MAP4K5: variants seen among roughly 807,000 people sequenced by gnomAD.
MAP4K5 encodes the protein mitogen-activated protein kinase kinase kinase kinase 5, also known as MAPK/ERK kinase kinase kinase 5.
MAP4K5 carries 82 observed loss-of-function variants against 135.6 expected under a neutral mutation model. The observed-to-expected ratio is 0.60, with a 90% CI of 0.51 to 0.73. The LOEUF is 0.73. Among genes scored for constraint, MAP4K5 ranks in the 30% least tolerant of loss-of-function variants. The pLI, the probability that MAP4K5 is intolerant of heterozygous loss-of-function variation, is 0.00. For synonymous variants in MAP4K5, 347 were observed against 335.0 expected, an observed-to-expected ratio of 1.04 and a Z score of -0.39; for missense variants, 907 against 1,010.9, an observed-to-expected ratio of 0.90 and a Z score of 1.39.
chr14:50,492,247 C>T (rs2037500095), intron 3 of MAP4K5, among the ~76,000 whole-genome samples: 2 of 152,012 alleles, frequency 1.3e-5, no homozygotes, highest in African/African-American at 4.8e-5. Context: ...CAAGATACAA[C>T]ACCAAAAGCA....
At chr14:50,537,356 G>A (rs183112906), upstream of MAP4K5, among the ~76,000 whole-genome samples, 221 of 152,374 alleles carry the variant, frequency 1.5e-3, no homozygotes, top group Middle Eastern at 0.024. Flanking sequence ...ATGCCTGGAT[G>A]TCCAGGCAGA....
At chr14:50,480,663 T>C (rs2037219002) in intron 6 of MAP4K5, among the ~76,000 whole-genome samples, 1 of 152,158 alleles carries the variant, frequency 6.6e-6, no homozygotes, top group Non-Finnish European at 1.5e-5. Context: ...CACATAACAA[T>C]AGGGATGCAT....
Position 50,429,264 on chromosome 14 carries a change from A to G in MAP4K5, c.2165-4T>C. On this transcript the variant is annotated splice_polypyrimidine_tract_variant and splice_region_variant and intron_variant, in intron 28 of 32. Coordinates refer to ENST00000682126, the MANE Select transcript of MAP4K5 (RefSeq NM_006575.6). ...ATGGAATCTAACTGCTGGCTGCCTT[A>G]GGAAGTAAAAAACAAGGTTACAATT... 1.9e-6 allele frequency: 3 copies of G among 1,546,862 alleles called. No individual in the cohort carries two copies. The highest frequency in any genetic ancestry group is 2.6e-6 in the Non-Finnish European group (3 of 1,140,792).
chr14:50,447,082 C>G (rs1200751866), intron 16 of MAP4K5, among the ~76,000 whole-genome samples: 1 of 152,152 alleles, frequency 6.6e-6, no homozygotes, highest in Admixed American at 6.5e-5. Context: ...CTCATGAAGG[C>G]CAGCCCCCTC....
intron 2 of MAP4K5, among the ~76,000 whole-genome samples, chr14:50,525,055 C>T (rs2038233563): frequency 6.6e-6 from 1 of 152,108 alleles, no homozygotes; most frequent in South Asian, 2.1e-4. Context: ...TACAGCCTTT[C>T]CTCAGCTCTC....
chr14:50,482,331 C>T, intron 6 of MAP4K5, 30 bp downstream of exon 6: 2 of 1,362,168 alleles, frequency 1.5e-6, no homozygotes, highest in East Asian at 2.8e-5. Flanking sequence ...CTAGAATTGC[C>T]TTTCTAACTA....
chr14:50,467,345 T>A (rs1393635790), intron 10 of MAP4K5, among the ~76,000 whole-genome samples: 1 of 152,056 alleles, frequency 6.6e-6, no homozygotes, highest in Non-Finnish European at 1.5e-5. Context: ...AAAAATTAAA[T>A]GATTCAAAGG....
At chr14:50,479,071 G>A (rs545490318) in intron 6 of MAP4K5, among the ~76,000 whole-genome samples, 1 of 151,336 alleles carries the variant, frequency 6.6e-6, no homozygotes, top group South Asian at 2.1e-4. Context: ...GGATCTGTGG[G>A]CCCATATTAA....
At chr14:50,443,257 ATGTATAAAGCATCCCATTCATACGAT>A (rs2036267236) in intron 20 of MAP4K5, among the ~76,000 whole-genome samples, 1 of 152,186 alleles carries the variant, frequency 6.6e-6, no homozygotes, top group Non-Finnish European at 1.5e-5. Context: ...AAAAAGGACA[ATGTATAAAGCATCCCATTCATACGAT>A]TGGTTCCCAT....
At chr14:50,431,272 C>G (rs2035962465) in intron 28 of MAP4K5, among the ~76,000 whole-genome samples, 1 of 151,070 alleles carries the variant, frequency 6.6e-6, no homozygotes, top group African/African-American at 2.5e-5. Flanking sequence ...TATTATTATA[C>G]TTTAAGTTTT....
chr14:50,434,192 T>C (rs2036037250), intron 28 of MAP4K5, among the ~76,000 whole-genome samples: 1 of 152,220 alleles, frequency 6.6e-6, no homozygotes, highest in Non-Finnish European at 1.5e-5. Flanking sequence ...AAATTTCCTT[T>C]GTTTAAATAA....
Position 50,486,130 on chromosome 14 carries a change from G to C in MAP4K5, c.231C>G (p.Ile77Met). ...FMVKECKHCN[I>M]VAYFGSYLSR... ...TAAGATAACTCCCAAAGTAGGCAACGATGTTACAATGTTTACATTCTTTAA... is the reference window on the plus strand; with the variant it reads ...TAAGATAACTCCCAAAGTAGGCAACCATGTTACAATGTTTACATTCTTTAA... Residue 77 changes from isoleucine to methionine, a missense_variant, in exon 4 of 33, where the codon ATC becomes ATG. By Grantham distance (10) the Ile-to-Met change is conservative (BLOSUM62 1). This residue lies in a region of MAP4K5 where 196 missense variants were observed against 189.3 expected (regional missense o/e 1.04). Transcript: ENST00000682126. 7.1e-7 allele frequency: 1 copy of C among 1,404,270 alleles called. No individual in the cohort carries two copies. Among genetic ancestry groups the C allele is most frequent in the Non-Finnish European group, 9.8e-7 (1 of 1,025,022 alleles). The allele number at this position is 1,404,270 out of a possible 1,614,324, so 87.0% of individuals were successfully genotyped here. A position where few individuals can be genotyped will look rare whatever the true frequency, so the allele number is the denominator to read the frequency against.
chr14:50,538,118 TG>T (rs1566703954), intron 2 of MAP4K5, among the ~76,000 whole-genome samples: 1 of 152,134 alleles, frequency 6.6e-6, no homozygotes, highest in Non-Finnish European at 1.5e-5. Flanking sequence ...AATTGAATCA[TG>T]GGGGCAAATC....
intron 3 of MAP4K5, among the ~76,000 whole-genome samples, chr14:50,497,337 A>T (rs950925501): frequency 5.3e-5 from 8 of 152,238 alleles, no homozygotes; most frequent in African/African-American, 1.9e-4. Flanking sequence ...CATTTGGGGC[A>T]TGTATTTGTG....
intron 3 of MAP4K5, among the ~76,000 whole-genome samples, chr14:50,493,230 G>A (rs1053106159): frequency 6.6e-6 from 1 of 152,084 alleles, no homozygotes; most frequent in African/African-American, 2.4e-5. Context: ...CTCCCAGGTA[G>A]CTGGGACTAC....
chr14:50,436,738 G>A (rs2036101890), intron 26 of MAP4K5, among the ~76,000 whole-genome samples: 1 of 152,096 alleles, frequency 6.6e-6, no homozygotes, highest in South Asian at 2.1e-4. Flanking sequence ...GTTGGCAATG[G>A]TTGTGTGTTC....
At chr14:50,436,983 C>T (rs1473267940) in intron 26 of MAP4K5, among the ~76,000 whole-genome samples, 1 of 151,996 alleles carries the variant, frequency 6.6e-6, no homozygotes, top group Non-Finnish European at 1.5e-5. Context: ...AAATTGTAAT[C>T]GTAACTATGA....
intron 2 of MAP4K5, among the ~76,000 whole-genome samples, chr14:50,516,316 G>C (rs759207377): frequency 6.6e-6 from 1 of 152,218 alleles, no homozygotes; most frequent in Non-Finnish European, 1.5e-5. Flanking sequence ...CTGTGGCGGG[G>C]AGAGGGATAC....
chr14:50,482,343 A>G lies in MAP4K5; in HGVS notation c.378+18T>C, dbSNP rs746636591. 1 of 1,438,322 alleles carries G rather than the reference A, an allele frequency of 7.0e-7. No homozygotes were observed. Among genetic ancestry groups the G allele is most frequent in the South Asian group, 1.4e-5 (1 of 71,792 alleles). 89.1% of individuals were successfully genotyped at this position (1,438,322 alleles called of 1,614,324 possible). Reference sequence around the variant, plus strand: ...TGCCTAGAATTGCCTTTCTAACTATATTAAGAAAATATAGTACCTGTAAGG... The same window carrying G: ...TGCCTAGAATTGCCTTTCTAACTATGTTAAGAAAATATAGTACCTGTAAGG... On this transcript the variant is annotated intron_variant, in intron 6 of 32. Coordinates refer to ENST00000682126, the MANE Select transcript of MAP4K5 (RefSeq NM_006575.6).
Sources: gnomAD v4.1 joint callset for allele counts (sites outside exome capture counted in the v4.1 genomes callset) on GRCh38, gnomAD v4.1.1 for gene constraint, gnomAD v4.1.1 regional missense constraint, MANE v1.5 for transcripts, NCBI Gene and HGNC (gene_info 2026-07-23, HGNC 2026-07-21) for gene names.